The following DPP10 variants were observed in gnomAD, a reference collection of about 807,000 sequenced individuals.
DPP10 encodes the protein inactive dipeptidyl peptidase 10.
DPP10 carries 33 observed loss-of-function variants against 120.9 expected under a neutral mutation model. The observed-to-expected ratio is 0.27, with a 90% CI of 0.21 to 0.37. The LOEUF (loss-of-function observed/expected upper bound fraction) is 0.37. Ranked by LOEUF, DPP10 falls within the 10% of genes least tolerant of loss-of-function variation. DPP10 has a pLI of 1.00. For synonymous variants in DPP10, 337 were observed against 326.1 expected, an observed-to-expected ratio of 1.03 and a Z score of -0.36; for missense variants, 816 against 942.8, an observed-to-expected ratio of 0.87 and a Z score of 1.76.
chr2:115,798,645 A>G (rs1684814803), intron 19 of DPP10, among the ~76,000 whole-genome samples: 1 of 152,112 alleles, frequency 6.6e-6, no homozygotes, highest in South Asian at 2.1e-4. Flanking sequence ...AAAGTTCCCT[A>G]CTAAAAATTA....
chr2:114,594,500 A>C (rs1573746744), intron 1 of DPP10, among the ~76,000 whole-genome samples: 1 of 147,830 alleles, frequency 6.8e-6, no homozygotes, highest in East Asian at 2.0e-4. Flanking sequence ...ATACATATAT[A>C]TTATATATAC....
intron 3 of DPP10, among the ~76,000 whole-genome samples, chr2:115,363,246 T>C (rs959915167): frequency 6.6e-6 from 1 of 152,240 alleles, no homozygotes; most frequent in Admixed American, 6.5e-5. Flanking sequence ...TTTGTCTCTG[T>C]CACCCACATC....
At chr2:115,515,294 C>G (rs1438032055) in intron 4 of DPP10, among the ~76,000 whole-genome samples, 1 of 151,902 alleles carries the variant, frequency 6.6e-6, no homozygotes, top group Non-Finnish European at 1.5e-5. Flanking sequence ...TAGATAATAT[C>G]AAATTTCATT....
At chr2:115,519,219 A>T (rs1022517150) in intron 4 of DPP10, among the ~76,000 whole-genome samples, 3 of 152,128 alleles carry the variant, frequency 2.0e-5, no homozygotes, top group African/African-American at 7.2e-5. Flanking sequence ...GTTTTAGTGT[A>T]TGGCCTATGA....
At chr2:114,877,393 C>G (rs957256087) in intron 1 of DPP10, among the ~76,000 whole-genome samples, 1 of 151,934 alleles carries the variant, frequency 6.6e-6, no homozygotes. Flanking sequence ...TGTGTTTCTT[C>G]GAAAGCCTTG....
At chr2:115,191,151 T>G (rs1413103123) in intron 1 of DPP10, among the ~76,000 whole-genome samples, 4 of 152,142 alleles carry the variant, frequency 2.6e-5, no homozygotes, top group South Asian at 2.1e-4. Flanking sequence ...TTACAGTGAT[T>G]TATCTGACCA....
At chr2:114,500,441 G>A (rs1396410365) in intron 1 of DPP10, among the ~76,000 whole-genome samples, 3 of 152,188 alleles carry the variant, frequency 2.0e-5, no homozygotes, top group South Asian at 2.1e-4. Flanking sequence ...TTAGGGTTAA[G>A]TATTGGAAAG....
intron 1 of DPP10, among the ~76,000 whole-genome samples, chr2:115,131,269 CT>C (rs1181991763): frequency 6.6e-6 from 1 of 152,230 alleles, no homozygotes; most frequent in Non-Finnish European, 1.5e-5. Flanking sequence ...AATCCCCGAA[CT>C]TTGGGAGGCC....
chr2:114,588,923 T>C (rs1691222852), intron 1 of DPP10, among the ~76,000 whole-genome samples: 1 of 151,064 alleles, frequency 6.6e-6, no homozygotes, highest in South Asian at 2.1e-4. Flanking sequence ...TCTATAGAAG[T>C]AGGAAACCTA....
chr2:114,881,537 C>T (rs1329347768), intron 1 of DPP10, among the ~76,000 whole-genome samples: 1 of 143,306 alleles, frequency 7.0e-6, no homozygotes, highest in Non-Finnish European at 1.5e-5. Flanking sequence ...TCTATCTATC[C>T]TATCTATCTA....
chr2:114,879,755 A>C (rs1691455221), intron 1 of DPP10, among the ~76,000 whole-genome samples: 1 of 152,166 alleles, frequency 6.6e-6, no homozygotes, highest in Non-Finnish European at 1.5e-5. Context: ...CAAACTCAAC[A>C]GGACTTCTAA....
chr2:115,033,327 C>T (rs1396445244), intron 1 of DPP10, among the ~76,000 whole-genome samples: 1 of 152,092 alleles, frequency 6.6e-6, no homozygotes, highest in Non-Finnish European at 1.5e-5. Context: ...TTTCTCAGAC[C>T]CTACTCCATC....
chr2:115,361,265 C>T (rs1489504612), intron 3 of DPP10, among the ~76,000 whole-genome samples: 5 of 151,976 alleles, frequency 3.3e-5, no homozygotes, highest in Admixed American at 2.6e-4. Flanking sequence ...ACCCCTGAGC[C>T]GTGTGTTCAA....
chr2:115,493,483 T>A (rs2076230396), intron 3 of DPP10, among the ~76,000 whole-genome samples: 1 of 150,450 alleles, frequency 6.6e-6, no homozygotes, highest in Non-Finnish European at 1.5e-5. Context: ...TATAAGAAGG[T>A]GTGAGTAGTA....
At chr2:114,965,964 C>CAAAAAAAAAAAAAAAAAAAA (rs57107624) in intron 1 of DPP10, among the ~76,000 whole-genome samples, 15 of 74,806 alleles carry the variant, frequency 2.0e-4, no homozygotes, top group Admixed American at 6.0e-4. Context: ...GACTCCTTCT[C>CAAAAAAAAAAAAAAAAAAAA]AAAAAAAAAA....
intron 1 of DPP10, among the ~76,000 whole-genome samples, chr2:115,266,994 C>T (rs892007279): frequency 2.0e-5 from 3 of 152,136 alleles, no homozygotes; most frequent in South Asian, 4.1e-4. Context: ...TAGTGCTAGT[C>T]GTTATCAATG....
At chr2:114,974,721 A>T (rs1480207226) in intron 1 of DPP10, among the ~76,000 whole-genome samples, 1 of 151,742 alleles carries the variant, frequency 6.6e-6, no homozygotes, top group Admixed American at 6.6e-5. Context: ...TATAAGCTAG[A>T]TCCTATATAG....
intron 1 of DPP10, among the ~76,000 whole-genome samples, chr2:115,062,174 G>T (rs1706471052): frequency 6.7e-6 from 1 of 149,838 alleles, no homozygotes; most frequent in African/African-American, 2.5e-5. Flanking sequence ...GTGTGTATGT[G>T]TGTGCATGGC....
chr2:115,742,115 T>C (rs1415794541), intron 9 of DPP10, among the ~76,000 whole-genome samples: 2 of 152,146 alleles, frequency 1.3e-5, no homozygotes, highest in African/African-American at 4.8e-5. Context: ...TCTTATTTGG[T>C]CTTTATCACA....
Sources: allele counts gnomAD v4.1 joint callset (sites outside exome capture counted in the v4.1 genomes callset), GRCh38; gene constraint gnomAD v4.1.1; transcripts MANE v1.5; gene names NCBI Gene and HGNC (gene_info 2026-07-23, HGNC 2026-07-21).